Variants in WDR70 observed in about 807,000 individuals in gnomAD.
WDR70 encodes WD repeat domain 70.
In WDR70, 53 loss-of-function variants were observed where a neutral mutation model predicts 88.6. The observed-to-expected ratio is 0.60, with a 90% CI of 0.48 to 0.75. The LOEUF (loss-of-function observed/expected upper bound fraction) is 0.75, where lower values mean the gene tolerates loss of function less well. WDR70 is among the 30% of genes least tolerant of loss of function. WDR70 has a pLI of 0.00. For missense variants in WDR70, 610 were observed against 823.2 expected (o/e 0.74, Z 3.17); for synonymous variants, 280 against 270.0 (o/e 1.04, Z -0.36).
At chr5:37,415,633 C>T (rs1259505365) in intron 5 of WDR70, among the ~76,000 whole-genome samples, 2 of 150,758 alleles carry the variant, frequency 1.3e-5, no homozygotes, top group Non-Finnish European at 3.0e-5. Flanking sequence ...CACCTCCCTC[C>T]CGGACGGGGC....
intron 8 of WDR70, chr5:37,506,269 G>C (rs1740557590): frequency 2.2e-6 from 2 of 919,118 alleles, no homozygotes; most frequent in Admixed American, 3.4e-5. Context: ...ATTGGTGAAT[G>C]ATCCTCTGGT....
intron 10 of WDR70, among the ~76,000 whole-genome samples, chr5:37,643,834 T>G (rs1218509611): frequency 6.6e-6 from 1 of 152,120 alleles, no homozygotes; most frequent in Non-Finnish European, 1.5e-5. Flanking sequence ...ATGTTGATTT[T>G]GTATCTTGCA....
chr5:37,455,988 C>G (rs915891854), intron 7 of WDR70, among the ~76,000 whole-genome samples: 2 of 152,076 alleles, frequency 1.3e-5, no homozygotes, highest in Non-Finnish European at 2.9e-5. Context: ...TACAGTTTAT[C>G]TCTTTACCAG....
intron 8 of WDR70, among the ~76,000 whole-genome samples, chr5:37,481,480 C>T (rs1172898455): frequency 6.6e-6 from 1 of 152,148 alleles, no homozygotes; most frequent in Non-Finnish European, 1.5e-5. Context: ...AGGTTTGGGA[C>T]TTGCACCCTC....
In WDR70 at chr5:37,548,504, A is replaced by G. The variant is rs186270974; in HGVS notation, c.917+31914A>G. Among the ~76,000 whole-genome samples, 346 of 152,112 alleles carry G rather than the reference A, an allele frequency of 2.3e-3. 5 individuals are homozygous for G. In the Middle Eastern group the frequency reaches 0.027, roughly 12 times the overall value. On this transcript the variant is annotated intron_variant, in intron 9 of 17. Coordinates refer to ENST00000265107, the MANE Select transcript of WDR70 (RefSeq NM_018034.4). ...TCAGATTATTAGAGATTTTTTTCCT[A>G]TAGAGTTGTTTCAGCTCCTTATATA...
At chr5:37,532,153 A>G (rs1281294133) in intron 9 of WDR70, among the ~76,000 whole-genome samples, 1 of 152,160 alleles carries the variant, frequency 6.6e-6, no homozygotes, top group East Asian at 1.9e-4. Flanking sequence ...GTTTTCCTTT[A>G]TAGGTTACCT....
At chr5:37,429,380 C>G (rs1306691144) in intron 5 of WDR70, among the ~76,000 whole-genome samples, 2 of 150,082 alleles carry the variant, frequency 1.3e-5, no homozygotes, top group East Asian at 3.9e-4. Context: ...GTTTTTTTTT[C>G]TTTTTGGTGT....
intron 10 of WDR70, among the ~76,000 whole-genome samples, chr5:37,680,992 G>C (rs1746413633): frequency 6.6e-6 from 1 of 152,166 alleles, no homozygotes; most frequent in African/African-American, 2.4e-5. Context: ...TTAGTAGTTT[G>C]ATAGGAATAG....
chr5:37,609,283 T>TCTTTA (rs1452953169), intron 10 of WDR70, among the ~76,000 whole-genome samples: 1 of 152,240 alleles, frequency 6.6e-6, no homozygotes, highest in East Asian at 1.9e-4. Flanking sequence ...TGTTCATGTC[T>TCTTTA]CTTTATAATT....
At chr5:37,445,233 G>A (rs1405046405) in intron 7 of WDR70, among the ~76,000 whole-genome samples, 3 of 152,072 alleles carry the variant, frequency 2.0e-5, no homozygotes, top group Admixed American at 6.6e-5. Context: ...AGTGACATCT[G>A]ATTCCTTCAT....
intron 13 of WDR70, among the ~76,000 whole-genome samples, chr5:37,703,669 T>G (rs1561081453): frequency 1.3e-5 from 2 of 152,246 alleles, no homozygotes; most frequent in Non-Finnish European, 2.9e-5. Context: ...CAGCATTCAC[T>G]GATGCATTCA....
At chr5:37,567,767 A>G (rs1361099242) in intron 9 of WDR70, among the ~76,000 whole-genome samples, 1 of 152,070 alleles carries the variant, frequency 6.6e-6, no homozygotes, top group Non-Finnish European at 1.5e-5. Flanking sequence ...GGCAGATCGC[A>G]GTGTTCTATC....
At chr5:37,707,921 GAAAAAAAAAAA>G (rs1187436953) in intron 13 of WDR70, among the ~76,000 whole-genome samples, 15 of 15,126 alleles carry the variant, frequency 9.9e-4, no homozygotes, top group African/African-American at 1.3e-3. Context: ...CTCAAAAAAA[GAAAAAAAAAAA>G]AAAAAAAAAA....
At chr5:37,603,173 A>G (rs1429242257) in intron 9 of WDR70, among the ~76,000 whole-genome samples, 2 of 152,100 alleles carry the variant, frequency 1.3e-5, no homozygotes, top group African/African-American at 4.8e-5. Flanking sequence ...TGAAACCACG[A>G]AAGATCCCAA....
At chr5:37,601,567 A>G (rs1385973382) in intron 9 of WDR70, among the ~76,000 whole-genome samples, 1 of 152,048 alleles carries the variant, frequency 6.6e-6, no homozygotes. Context: ...CTTTCTCTTC[A>G]ACTTTTTTGG....
At chr5:37,453,791 T>C (rs1738748407) in intron 7 of WDR70, among the ~76,000 whole-genome samples, 2 of 152,202 alleles carry the variant, frequency 1.3e-5, no homozygotes, top group African/African-American at 4.8e-5. Context: ...AATTTTAAAA[T>C]TTTATCTTAT....
chr5:37,425,952 G>A (rs1750109242), intron 5 of WDR70, among the ~76,000 whole-genome samples: 1 of 152,174 alleles, frequency 6.6e-6, no homozygotes, highest in Non-Finnish European at 1.5e-5. Context: ...GTATTTCTGA[G>A]ACATCCAGGC....
chr5:37,748,158 CAAAG>C (rs1387203606), intron 17 of WDR70, among the ~76,000 whole-genome samples: 2 of 152,170 alleles, frequency 1.3e-5, no homozygotes, highest in Non-Finnish European at 2.9e-5. Context: ...CATATGGAAT[CAAAG>C]AAGAACCCCG....
chr5:37,454,219 A>G (rs1179914799), intron 7 of WDR70, among the ~76,000 whole-genome samples: 2 of 152,318 alleles, frequency 1.3e-5, no homozygotes, highest in East Asian at 3.9e-4. Flanking sequence ...CTTAAACCCT[A>G]TCAGTTCAGG....
Sources: allele counts gnomAD v4.1 joint callset (sites outside exome capture counted in the v4.1 genomes callset), GRCh38; gene constraint gnomAD v4.1.1; transcripts MANE v1.5; gene names NCBI Gene and HGNC (gene_info 2026-07-23, HGNC 2026-07-21).